The following GYS1 variants were observed in gnomAD, a reference collection of about 807,000 sequenced individuals.
GYS1 encodes glycogen synthase 1, also known as glycogen [starch] synthase, muscle.
Under a neutral mutation model 89.1 loss-of-function variants are expected in GYS1, and 60 were observed. The observed-to-expected ratio is 0.67, with a 90% CI of 0.55 to 0.84. GYS1 has a LOEUF of 0.84. Ranked by LOEUF, GYS1 falls within the 40% of genes least tolerant of loss-of-function variation. The pLI is 0.00. For missense variants in GYS1, 888 were observed against 1,003.1 expected, an observed-to-expected ratio of 0.89 and a Z score of 1.55; for synonymous variants, 366 against 401.7, an observed-to-expected ratio of 0.91 and a Z score of 1.06.
At position 48,993,280 on chromosome 19, in the gene GYS1, A is replaced by C. The variant is rs772656763; in HGVS notation, c.-168T>G. 4 of 706,788 alleles carry C rather than the reference A, an allele frequency of 5.7e-6. No homozygotes were observed. Among genetic ancestry groups the C allele is most frequent in the South Asian group, 5.6e-5 (4 of 71,128 alleles). The allele number at this position is 706,788 out of a possible 1,614,324, so 43.8% of individuals were successfully genotyped here. On this transcript the variant is annotated 5_prime_UTR_variant, in exon 1 of 16. Coordinates refer to ENST00000323798, the MANE Select transcript of GYS1 (RefSeq NM_002103.5). ...CGCACCCCTGCCCCGAAGCGTTGGG[A>C]CCTAGGCAGAAGGAGGCCGCAGCGT...
Position 48,969,032 on chromosome 19 carries a change from C to T in GYS1, c.*256G>A, listed in dbSNP as rs148077948. 864 of 655,316 alleles carry T rather than the reference C, an allele frequency of 1.3e-3. 4 individuals carry two copies. The African/African-American group carries it at 0.014, about 11-fold the overall frequency. The allele number at this position is 655,316 out of a possible 1,614,324, so 40.6% of individuals were successfully genotyped here. ...TGGCAGATTCCTGGCCTCTGGGAAG[C>T]GGTCCAGGCCCAGGGGACTCCAGGG... On this transcript the variant is annotated 3_prime_UTR_variant, in exon 16 of 16. Coordinates refer to ENST00000323798, the MANE Select transcript of GYS1 (RefSeq NM_002103.5).
chr19:48,983,329 C>T lies in GYS1; in HGVS notation c.824-492G>A, dbSNP rs2038794601. On this transcript the variant is annotated intron_variant, in intron 5 of 15. Coordinates refer to ENST00000323798, the MANE Select transcript of GYS1 (RefSeq NM_002103.5). ...ACACACCTACCCTGACTCCAAGATG[C>T]CTTCTTGCCTAATATTACTTGCTTA... Among the ~76,000 whole-genome samples the T allele has an allele frequency of 1.3e-5, 2 of 152,108 alleles. 1 individual carries two copies. Among genetic ancestry groups the T allele is most frequent in the Non-Finnish European group, 2.9e-5 (2 of 68,016 alleles).
intron 8 of GYS1, among the ~76,000 whole-genome samples, chr19:48,978,803 G>A (rs1013167990): frequency 5.3e-5 from 8 of 152,152 alleles, no homozygotes; most frequent in African/African-American, 1.9e-4. Flanking sequence ...CCAAAGTGCT[G>A]GAATTACAGG....
At chr19:48,989,387 CAGG>C (rs1369935438) in intron 2 of GYS1, among the ~76,000 whole-genome samples, 2 of 150,378 alleles carry the variant, frequency 1.3e-5, no homozygotes, top group Non-Finnish European at 2.9e-5. Context: ...GAGGCCGAGG[CAGG>C]AGAATTGCTT....
intron 2 of GYS1, among the ~76,000 whole-genome samples, chr19:48,990,861 C>G (rs890761957): frequency 6.6e-6 from 1 of 152,208 alleles, no homozygotes; most frequent in African/African-American, 2.4e-5. Context: ...GTGGCCCAAT[C>G]GCAGCTCACT....
chr19:48,974,812 TG>T, intron 10 of GYS1, 79 bp from the exon 11 acceptor site: 2 of 1,006,222 alleles, frequency 2.0e-6, no homozygotes. Flanking sequence ...ATGCGGACCC[TG>T]GGGGAGCCAA....
At chr19:48,987,883 C>G (rs535148963) in intron 2 of GYS1, among the ~76,000 whole-genome samples, 37 of 152,146 alleles carry the variant, frequency 2.4e-4, no homozygotes, top group African/African-American at 8.4e-4. Context: ...TCACTGCAAC[C>G]TCTGCCTCCT....
In GYS1 at chr19:48,969,341, T is replaced by G; in HGVS notation, c.2161A>C (p.Thr721Pro). Reference sequence around the variant, plus strand: ...GTGGGGCTGAGGGGCTCGCTCGGGGTGCTGAGTGAGCTGGAGGTGGCCGTG... The same window carrying G: ...GTGGGGCTGAGGGGCTCGCTCGGGGGGCTGAGTGAGCTGGAGGTGGCCGTG... ...VDTATSSSLS[T>P]PSEPLSPTSS... Residue 721 changes from threonine to proline, a missense_variant, in exon 16 of 16, where the codon ACC (threonine) becomes CCC (proline). By Grantham distance (38) the Thr-to-Pro change is conservative (BLOSUM62 -1). Transcript: ENST00000323798. 6.3e-7 allele frequency: 1 copy of G among 1,583,556 alleles called. No individual in the cohort carries two copies. The highest frequency in any genetic ancestry group is 1.1e-5 in the South Asian group (1 of 87,816).
At chr19:48,981,910 T>C (rs1478091746) in intron 7 of GYS1, among the ~76,000 whole-genome samples, 1 of 151,186 alleles carries the variant, frequency 6.6e-6, no homozygotes, top group African/African-American at 2.4e-5. Flanking sequence ...GTTTTGTTTT[T>C]GAGACAGCGT....
chr19:48,971,083 C>CA (rs1427007729), intron 12 of GYS1, 60 bp from the exon 13 acceptor site: 1 of 1,147,162 alleles, frequency 8.7e-7, no homozygotes, highest in Non-Finnish European at 1.3e-6. Flanking sequence ...GTCTTAATCG[C>CA]AATAGACGCC....
rs769788885 is a variant in GYS1 at position 48,992,999 on chromosome 19, G to C, written c.114C>G (p.Asn38Lys). ...CCCGACGCCTGGCGTGCTCACCCTTGTTAGCCACCTCCCAGGCCACTTCGA... is the reference window on the plus strand; with the variant it reads ...CCCGACGCCTGGCGTGCTCACCCTTCTTAGCCACCTCCCAGGCCACTTCGA... ...VLFEVAWEVANKVGGIYTVLQ... is the reference protein window; with the variant it reads ...VLFEVAWEVAKKVGGIYTVLQ... Residue 38 changes from asparagine (N) to lysine (K), a missense_variant, in exon 1 of 16, where the codon AAC (asparagine) becomes AAG (lysine). Coordinates refer to ENST00000323798, the MANE Select transcript of GYS1 (RefSeq NM_002103.5). The C allele has an allele frequency of 3.8e-6, 6 of 1,590,966 alleles. No individual in the cohort carries two copies. The highest frequency in any genetic ancestry group is 5.2e-6 in the Non-Finnish European group (6 of 1,158,950).
intron 5 of GYS1, among the ~76,000 whole-genome samples, chr19:48,983,918 T>C (rs530599329): frequency 3.7e-4 from 56 of 152,304 alleles, no homozygotes; most frequent in African/African-American, 1.3e-3. Flanking sequence ...CCCACAGCCT[T>C]CTGGGAGCTG....
intron 2 of GYS1, among the ~76,000 whole-genome samples, chr19:48,989,085 C>T (rs999029523): frequency 6.6e-6 from 1 of 151,766 alleles, no homozygotes; most frequent in Admixed American, 6.6e-5. Context: ...CCCTCCTTCC[C>T]TCCCTCTCTC....
At chr19:48,988,477 C>T (rs2038875022) in intron 2 of GYS1, among the ~76,000 whole-genome samples, 1 of 152,050 alleles carries the variant, frequency 6.6e-6, no homozygotes, top group South Asian at 2.1e-4. Flanking sequence ...GGCCACCATG[C>T]CAGGCTGATT....
Position 48,970,597 on chromosome 19 carries a change from C to A in GYS1, c.1758G>T (p.Arg586=). The A allele has an allele frequency of 1.9e-6, 3 of 1,613,806 alleles. No individual in the cohort carries two copies. The highest frequency in any genetic ancestry group is 1.1e-5 in the South Asian group (1 of 91,048). ...GGTCGGAGAGGCGCTCCGTGCGGTT[C>A]CGCTGGATGATACGCTGCCGCCGGC... ...QQSRRQRIIQ[R]NRTERLSDLL... Residue 586 remains arginine, a synonymous_variant, in exon 14 of 16, where the codon CGG becomes CGT. Coordinates refer to ENST00000323798, the MANE Select transcript of GYS1 (RefSeq NM_002103.5).
At position 48,969,829 on chromosome 19, in the gene GYS1, C is replaced by CG. The variant is rs1568615496; in HGVS notation, c.1835dup (p.Leu613AlafsTer46). ...AGTGCTCTGGAAAGGCCTTGGACAGCGCCATGTGGCGCGCAGACATATAGT... is the reference window on the plus strand; with the variant it reads ...AGTGCTCTGGAAAGGCCTTGGACAGCGGCCATGTGGCGCGCAGACATATAGT... On this transcript the variant is annotated frameshift_variant, in exon 15 of 16. Coordinates refer to ENST00000323798, the MANE Select transcript of GYS1 (RefSeq NM_002103.5). LOFTEE classifies it high-confidence loss of function. 1 of 1,613,010 alleles carries CG rather than the reference C, an allele frequency of 6.2e-7. No homozygotes were observed.
chr19:48,979,486 G>A lies in GYS1; in HGVS notation c.1170-1329C>T, dbSNP rs911503507. On this transcript the variant is annotated intron_variant, in intron 8 of 15. Coordinates refer to ENST00000323798, the MANE Select transcript of GYS1 (RefSeq NM_002103.5). ...TGAGTAGCTGCAATTACAAGCGTGCGCCACCACATCTGGCTAATTTTTATA... is the reference window on the plus strand; with the variant it reads ...TGAGTAGCTGCAATTACAAGCGTGCACCACCACATCTGGCTAATTTTTATA... Among the ~76,000 whole-genome samples, 6 of 149,822 alleles carry A rather than the reference G, an allele frequency of 4.0e-5. No homozygotes were observed. The South Asian group carries it at 6.3e-4, about 16-fold the overall frequency.
At chr19:48,976,326 A>G (rs1272024165) in intron 10 of GYS1, among the ~76,000 whole-genome samples, 1 of 152,156 alleles carries the variant, frequency 6.6e-6, no homozygotes, top group Admixed American at 6.5e-5. Flanking sequence ...TGGACCCCAG[A>G]GAATGAAAGA....
rs796835987 is a variant in GYS1 at position 48,980,382 on chromosome 19, T to C, written c.1169+1148A>G. Among the ~76,000 whole-genome samples the C allele has an allele frequency of 6.6e-5, 10 of 152,292 alleles. 1 individual carries two copies. The highest frequency in any genetic ancestry group is 2.4e-4 in the African/African-American group (10 of 41,560). On this transcript the variant is annotated intron_variant, in intron 8 of 15. Coordinates refer to ENST00000323798, the MANE Select transcript of GYS1 (RefSeq NM_002103.5). The stretch of plus-strand genomic sequence containing the variant: ...TCCATGAGGAAAGGGATCTTATCTT[T>C]CTGGTTCACAGCTGTATTCCCAGGA...
Sources: gnomAD v4.1 joint callset for allele counts (sites outside exome capture counted in the v4.1 genomes callset) on GRCh38, gnomAD v4.1.1 for gene constraint, MANE v1.5 for transcripts, NCBI Gene and HGNC (gene_info 2026-07-23, HGNC 2026-07-21) for gene names.